Variants in TENM2 observed in about 807,000 individuals in gnomAD.
TENM2 encodes the protein teneurin transmembrane protein 2.
TENM2 carries 52 observed loss-of-function variants against 245.2 expected under a neutral mutation model. The observed-to-expected ratio is 0.21, with a 90% CI of 0.17 to 0.27. The LOEUF is 0.27. TENM2 is among the 10% of genes least tolerant of loss of function. The probability of loss-of-function intolerance (pLI) is 1.00; values close to 1 mark genes in which losing one functional copy is unlikely to be tolerated. For missense variants in TENM2, 3,046 were observed against 3,666.8 expected, an observed-to-expected ratio of 0.83 and a Z score of 4.37; for synonymous variants, 1,363 against 1,438.9, an observed-to-expected ratio of 0.95 and a Z score of 1.19.
intron 4 of TENM2, among the ~76,000 whole-genome samples, chr5:167,968,254 C>T (rs957798080): frequency 2.0e-5 from 3 of 152,200 alleles, no homozygotes; most frequent in African/African-American, 2.4e-5. Context: ...TTTGCAAATA[C>T]TCCTTTGAGA....
chr5:167,232,572 C>T, the TENM2 span, among the ~76,000 whole-genome samples: 1 of 152,038 alleles, frequency 6.6e-6, no homozygotes, highest in Admixed American at 6.6e-5. Flanking sequence ...AGGGTTTCCC[C>T]ATGTTGTCCA....
chr5:167,444,646 C>A (rs1048845154), intron 2 of TENM2, among the ~76,000 whole-genome samples: 1 of 152,076 alleles, frequency 6.6e-6, no homozygotes, highest in Non-Finnish European at 1.5e-5. Context: ...TTCACCAATT[C>A]ATTAGTTTTT....
At position 167,605,959 on chromosome 5, in the gene TENM2, G is replaced by A. The variant is rs566876843; in HGVS notation, c.502+230486G>A. Among the ~76,000 whole-genome samples, 3 of 152,244 alleles carry A rather than the reference G, an allele frequency of 2.0e-5. No homozygotes were observed. In the South Asian group the frequency reaches 6.2e-4, roughly 32 times the overall value. On this transcript the variant is annotated intron_variant, in intron 2 of 28. Transcript: ENST00000518659. ...GTAGTGTTAAAAGCTTCCTTAGGGG[G>A]CTTCTCATGCATTTACCCTCTTGGA... is the stretch of plus-strand genomic sequence containing the variant.
chr5:167,634,006 T>G (rs992377201), intron 2 of TENM2, among the ~76,000 whole-genome samples: 4 of 152,176 alleles, frequency 2.6e-5, no homozygotes, highest in African/African-American at 9.6e-5. Context: ...CCATGGGTGT[T>G]GTAACTGTGT....
Position 168,047,317 on chromosome 5 carries a change from G to T in TENM2, c.1187-110G>T. On this transcript the variant is annotated intron_variant, in intron 5 of 28. Transcript: ENST00000518659. ...TGGCCTGGGGCAAGCCATTTTTGAC[G>T]CAGCTTCCTCAAAAGGCAATCGCTT... The T allele has an allele frequency of 4.6e-6, 6 of 1,296,416 alleles. No homozygotes were observed. In the South Asian group the frequency reaches 8.1e-5, roughly 17 times the overall value. The allele number at this position is 1,296,416 out of a possible 1,614,324, so 80.3% of individuals were successfully genotyped here. A position where few individuals can be genotyped will look rare whatever the true frequency, so the allele number is the denominator to read the frequency against.
chr5:167,539,706 T>C (rs959998480), intron 2 of TENM2, among the ~76,000 whole-genome samples: 13 of 152,226 alleles, frequency 8.5e-5, no homozygotes, highest in African/African-American at 2.9e-4. Flanking sequence ...TTTTCCTTCA[T>C]TGAGTGCTTT....
At chr5:168,174,619 A>T (rs1759174889) in intron 13 of TENM2, among the ~76,000 whole-genome samples, 1 of 152,214 alleles carries the variant, frequency 6.6e-6, no homozygotes, top group South Asian at 2.1e-4. Flanking sequence ...GTTGAGAACC[A>T]CTGACTTAGC....
In TENM2 at chr5:167,375,910, C is replaced by T. The variant is rs567487653; in HGVS notation, c.502+437C>T. ...CTTATCTTAGACTTTCATTTCCAGG[C>T]GGCAATGCCTCATATCCGTATTGAA... On this transcript the variant is annotated intron_variant, in intron 2 of 28. Transcript: ENST00000518659. Among the ~76,000 whole-genome samples the T allele has an allele frequency of 8.5e-5, 13 of 152,172 alleles. No individual in the cohort carries two copies. The South Asian group carries it at 2.5e-3, about 29-fold the overall frequency.
Position 167,339,603 on chromosome 5 carries a change from A to AT in TENM2, c.227-35584dup, listed in dbSNP as rs144229621. Among the ~76,000 whole-genome samples the AT allele has an allele frequency of 4.0e-3, 583 of 145,372 alleles. 2 individuals carry two copies. The highest frequency in any genetic ancestry group is 7.0e-3 in the African/African-American group (280 of 39,744). On this transcript the variant is annotated intron_variant, in intron 1 of 28. Coordinates refer to ENST00000518659, the Ensembl canonical transcript of TENM2. ...TATTTAAAACTTCCTTTTTCAATTCATTTTTTTTTTTATTTTTTGCATTTT... is the reference window on the plus strand; with the variant it reads ...TATTTAAAACTTCCTTTTTCAATTCATTTTTTTTTTTTATTTTTTGCATTTT...
At chr5:167,947,524 C>A (rs1424247729) in intron 3 of TENM2, among the ~76,000 whole-genome samples, 3 of 152,202 alleles carry the variant, frequency 2.0e-5, no homozygotes, top group African/African-American at 7.2e-5. Flanking sequence ...GCAACAGACT[C>A]TGTCCTCCTT....
At chr5:167,709,840 A>G (rs1758788234) in intron 2 of TENM2, among the ~76,000 whole-genome samples, 1 of 152,184 alleles carries the variant, frequency 6.6e-6, no homozygotes, top group African/African-American at 2.4e-5. Flanking sequence ...AGGAAAGGCA[A>G]GAATGAGAGA....
At chr5:167,618,519 G>A (rs1777945122) in intron 2 of TENM2, among the ~76,000 whole-genome samples, 1 of 152,102 alleles carries the variant, frequency 6.6e-6, no homozygotes, top group Non-Finnish European at 1.5e-5. Flanking sequence ...ACTCTAATGT[G>A]CAGACATGGT....
the TENM2 span, among the ~76,000 whole-genome samples, chr5:167,002,665 AC>A: frequency 6.6e-6 from 1 of 151,802 alleles, no homozygotes; most frequent in South Asian, 2.1e-4. Flanking sequence ...AACCAAAAAA[AC>A]AAAAAAAAAA....
exon 16 of TENM2, chr5:168,198,931 T>C (rs919805064): frequency 1.2e-6 from 2 of 1,614,062 alleles, no homozygotes; most frequent in Non-Finnish European, 1.7e-6. Flanking sequence ...AGGAGCGCAC[T>C]GTGTGGCTGC....
the TENM2 span, among the ~76,000 whole-genome samples, chr5:167,238,201 A>T: frequency 2.0e-5 from 3 of 152,126 alleles, no homozygotes; most frequent in Non-Finnish European, 2.9e-5. Flanking sequence ...ATTAAAATTT[A>T]TGTCTAAATG....
intron 7 of TENM2, among the ~76,000 whole-genome samples, chr5:168,064,007 T>C (rs1405233657): frequency 6.6e-6 from 1 of 152,024 alleles, no homozygotes; most frequent in Non-Finnish European, 1.5e-5. Flanking sequence ...TTTATAGGGC[T>C]AGACACTGAT....
intron 2 of TENM2, among the ~76,000 whole-genome samples, chr5:167,390,554 A>C (rs1761688494): frequency 6.6e-6 from 1 of 152,212 alleles, no homozygotes; most frequent in Admixed American, 6.5e-5. Flanking sequence ...CAAAATAGGT[A>C]GTTCTGCAGG....
intron 2 of TENM2, among the ~76,000 whole-genome samples, chr5:167,872,646 A>G (rs1773085462): frequency 1.3e-5 from 2 of 152,248 alleles, no homozygotes; most frequent in South Asian, 4.1e-4. Context: ...GGTAGGTACC[A>G]GTAAGCAGAG....
chr5:167,606,946 T>A (rs137992824), intron 2 of TENM2, among the ~76,000 whole-genome samples: 170 of 152,322 alleles, frequency 1.1e-3, no homozygotes, highest in Non-Finnish European at 1.7e-3. Context: ...AAGATTTATA[T>A]ATCAGCGCTT....
Sources: gnomAD v4.1 joint callset for allele counts (sites outside exome capture counted in the v4.1 genomes callset) on GRCh38, gnomAD v4.1.1 for gene constraint, MANE v1.5 for transcripts, NCBI Gene and HGNC (gene_info 2026-07-23, HGNC 2026-07-21) for gene names.